The following ST18 variants were observed in gnomAD, a reference collection of about 807,000 sequenced individuals.
ST18 encodes suppression of tumorigenicity 18 protein.
ST18 carries 50 observed loss-of-function variants against 110.0 expected under a neutral mutation model. The ratio of observed to expected loss-of-function variants is 0.45; its 90% CI spans 0.36 to 0.58. ST18 has a LOEUF of 0.58. Among genes scored for constraint, ST18 ranks in the 20% least tolerant of loss-of-function variants. The pLI, the probability that ST18 is intolerant of heterozygous loss-of-function variation, is 0.00. For missense variants in ST18, 1,306 were observed against 1,280.1 expected (o/e 1.02, Z -0.31); for synonymous variants, 461 against 452.4 (o/e 1.02, Z -0.24).
intron 2 of ST18, among the ~76,000 whole-genome samples, chr8:52,299,647 T>C (rs1295904324): frequency 2.6e-5 from 4 of 152,230 alleles, no homozygotes; most frequent in Non-Finnish European, 5.9e-5. Flanking sequence ...CTACATGAAG[T>C]GGCATTGTTT....
intron 15 of ST18, 59 bp from the exon 16 acceptor site, chr8:52,150,036 T>C (rs757755995): frequency 9.0e-6 from 14 of 1,550,606 alleles, no homozygotes; most frequent in Middle Eastern, 3.7e-4. Context: ...AGCCTAGCCA[T>C]GTGGGGCTTT....
intron 2 of ST18, among the ~76,000 whole-genome samples, chr8:52,376,312 G>A (rs1024538858): frequency 3.9e-5 from 6 of 151,978 alleles, no homozygotes; most frequent in Admixed American, 6.6e-5. Flanking sequence ...TCAACACAAC[G>A]GGATCCTTTT....
At chr8:52,267,132 G>A (rs556585643) in intron 2 of ST18, among the ~76,000 whole-genome samples, 12 of 152,194 alleles carry the variant, frequency 7.9e-5, no homozygotes, top group Middle Eastern at 3.4e-3. Flanking sequence ...TGGTGCACTC[G>A]TTGGTGACAA....
chr8:52,127,464 C>G (rs2047522482), intron 22 of ST18, among the ~76,000 whole-genome samples: 1 of 152,106 alleles, frequency 6.6e-6, no homozygotes, highest in Non-Finnish European at 1.5e-5. Context: ...TGTTTTATGT[C>G]ACATATTGTA....
intron 2 of ST18, among the ~76,000 whole-genome samples, chr8:52,375,479 C>T (rs1831979038): frequency 6.6e-6 from 1 of 151,800 alleles, no homozygotes; most frequent in Non-Finnish European, 1.5e-5. Context: ...TCTTTTCCTC[C>T]TAACTCTCTC....
chr8:52,301,112 A>G (rs1177933717), intron 2 of ST18, among the ~76,000 whole-genome samples: 1 of 152,236 alleles, frequency 6.6e-6, no homozygotes, highest in Non-Finnish European at 1.5e-5. Flanking sequence ...AGAAATGTTT[A>G]AAGTTGTCAC....
At chr8:52,311,204 C>G (rs538367848) in intron 2 of ST18, among the ~76,000 whole-genome samples, 4 of 152,296 alleles carry the variant, frequency 2.6e-5, no homozygotes, top group African/African-American at 9.6e-5. Context: ...TTGTGGGCAA[C>G]TGGACATTCC....
intron 2 of ST18, among the ~76,000 whole-genome samples, chr8:52,282,321 AAG>A (rs2095395262): frequency 6.6e-6 from 1 of 152,250 alleles, no homozygotes; most frequent in Non-Finnish European, 1.5e-5. Flanking sequence ...ATGTACCAAA[AAG>A]ATAATCCACT....
chr8:52,380,916 G>A (rs995234286), intron 2 of ST18, among the ~76,000 whole-genome samples: 6 of 152,168 alleles, frequency 3.9e-5, no homozygotes, highest in African/African-American at 1.2e-4. Context: ...CTGTGTCCCA[G>A]GGGTGGGGCG....
chr8:52,392,875 A>G (rs1027304827), intron 2 of ST18, among the ~76,000 whole-genome samples: 1 of 152,216 alleles, frequency 6.6e-6, no homozygotes, highest in Admixed American at 6.5e-5. Context: ...GACTTGGCCC[A>G]TGACCAGTCT....
chr8:52,113,726 G>A (rs2041299056), intron 25 of ST18, among the ~76,000 whole-genome samples: 1 of 152,046 alleles, frequency 6.6e-6, no homozygotes, highest in Non-Finnish European at 1.5e-5. Flanking sequence ...GGAAGGAAGG[G>A]TTGCTTGTAC....
intron 8 of ST18, among the ~76,000 whole-genome samples, chr8:52,203,167 A>C (rs1393584780): frequency 6.6e-6 from 1 of 152,204 alleles, no homozygotes; most frequent in East Asian, 1.9e-4. Context: ...AATTGTTTTA[A>C]GGTAGGTTTT....
chr8:52,112,206 TG>T lies in ST18; in HGVS notation c.*991del, dbSNP rs2040743219. 6.6e-6 allele frequency: 1 copy of T among 152,612 alleles called. No individual in the cohort carries two copies. The allele number at this position is 152,612 out of a possible 1,614,324, so 9.5% of individuals were successfully genotyped here. The stretch of plus-strand genomic sequence containing the variant: ...AAGATAAATGCTATTTCAGGGGATA[TG>T]GTATCTACAAAATTTTTCATTTGGA... On this transcript the variant is annotated 3_prime_UTR_variant, in exon 26 of 26. Transcript: ENST00000689386.
rs780782887 is a variant in ST18 at position 52,136,672 on chromosome 8, A to G, written c.2232-14T>C. The G allele has an allele frequency of 9.4e-6, 15 of 1,599,132 alleles. No individual in the cohort carries two copies. The South Asian group carries it at 1.7e-4, about 18-fold the overall frequency. ...CATCCAGAAACACTAGAGAGGGATG[A>G]GGAAAAAAACACAACACAACACTGA... On this transcript the variant is annotated splice_polypyrimidine_tract_variant and intron_variant, in intron 18 of 25. Transcript: ENST00000689386.
rs2041023758 is a variant in ST18, at chr8:52,113,166, G to C, written c.*32C>G. On this transcript the variant is annotated 3_prime_UTR_variant, in exon 26 of 26. Coordinates refer to ENST00000689386, the MANE Select transcript of ST18 (RefSeq NM_001352837.2). ...GATCCATCTGGAGTTTACTGCTGTT[G>C]GTAACTTCTGTTGCCCGGCAGCGCT... is the stretch of plus-strand genomic sequence containing the variant. 3 of 1,611,606 alleles carry C rather than the reference G, an allele frequency of 1.9e-6. No individual in the cohort carries two copies. Among genetic ancestry groups the C allele is most frequent in the Non-Finnish European group, 2.5e-6 (3 of 1,179,020 alleles).
chr8:52,131,239 A>C (rs1200749701), intron 22 of ST18, among the ~76,000 whole-genome samples: 1 of 152,224 alleles, frequency 6.6e-6, no homozygotes, highest in Non-Finnish European at 1.5e-5. Context: ...TTAAACCAGC[A>C]TCATGTACAG....
chr8:52,298,870 C>T (rs565250396), intron 2 of ST18, among the ~76,000 whole-genome samples: 20 of 152,318 alleles, frequency 1.3e-4, no homozygotes, highest in African/African-American at 4.1e-4. Flanking sequence ...CCCTCTCTGG[C>T]ATCCATTGTT....
intron 2 of ST18, among the ~76,000 whole-genome samples, chr8:52,240,890 T>C (rs1005381355): frequency 2.0e-5 from 3 of 152,230 alleles, no homozygotes; most frequent in African/African-American, 4.8e-5. Flanking sequence ...AAGGTGTATT[T>C]CTTCATCCCA....
intron 10 of ST18, among the ~76,000 whole-genome samples, chr8:52,169,006 G>A (rs913649969): frequency 6.6e-6 from 1 of 152,068 alleles, no homozygotes; most frequent in Non-Finnish European, 1.5e-5. Context: ...TGAAAGGATT[G>A]GCGTCGCACA....
Sources: allele counts gnomAD v4.1 joint callset (sites outside exome capture counted in the v4.1 genomes callset), GRCh38; gene constraint gnomAD v4.1.1; transcripts MANE v1.5; gene names NCBI Gene and HGNC (gene_info 2026-07-23, HGNC 2026-07-21).